Variants in PDE10A observed in about 807,000 individuals in gnomAD.
PDE10A encodes the protein cAMP and cAMP-inhibited cGMP 3',5'-cyclic phosphodiesterase 10A.
In PDE10A, 39 loss-of-function variants were observed where a neutral mutation model predicts 97.7. That is an observed-to-expected ratio of 0.40 (90% CI 0.31 to 0.52). The LOEUF is 0.52. Among genes scored for constraint, PDE10A ranks in the 20% least tolerant of loss-of-function variants. PDE10A has a pLI of 0.56. For missense variants in PDE10A, 731 were observed against 1,047.8 expected (o/e 0.70, Z 4.17); for synonymous variants, 371 against 376.8 (o/e 0.98, Z 0.18).
At chr6:165,645,608 C>A (rs981657343) in intron 1 of PDE10A, among the ~76,000 whole-genome samples, 1 of 152,092 alleles carries the variant, frequency 6.6e-6, no homozygotes, top group Non-Finnish European at 1.5e-5. Context: ...AATCCCAGCA[C>A]TTTGGGAGGC....
At chr6:165,421,194 C>G (rs1471588717) in intron 10 of PDE10A, among the ~76,000 whole-genome samples, 5 of 152,164 alleles carry the variant, frequency 3.3e-5, no homozygotes, top group Non-Finnish European at 7.3e-5. Flanking sequence ...GTAATCCCAG[C>G]ACTTTGGGAG....
chr6:165,500,654 C>T (rs1351302661), intron 2 of PDE10A, among the ~76,000 whole-genome samples: 1 of 152,068 alleles, frequency 6.6e-6, no homozygotes, highest in Non-Finnish European at 1.5e-5. Context: ...ACTGACCATC[C>T]CCCAGCCAAC....
intron 2 of PDE10A, among the ~76,000 whole-genome samples, chr6:165,503,421 T>C (rs1179225755): frequency 6.6e-6 from 1 of 152,176 alleles, no homozygotes; most frequent in Non-Finnish European, 1.5e-5. Flanking sequence ...GGAGTTATTC[T>C]GGCAATAGGG....
At chr6:165,833,335 T>C (rs1053119099) in intron 1 of PDE10A, among the ~76,000 whole-genome samples, 1 of 152,218 alleles carries the variant, frequency 6.6e-6, no homozygotes, top group Non-Finnish European at 1.5e-5. Context: ...GTGAACACAT[T>C]TATCTTCATT....
intron 1 of PDE10A, among the ~76,000 whole-genome samples, chr6:165,893,996 A>G (rs1016508034): frequency 6.6e-6 from 1 of 152,148 alleles, no homozygotes; most frequent in Non-Finnish European, 1.5e-5. Context: ...GTGCAGACCA[A>G]GTGATGTGTT....
At chr6:165,906,174 G>C (rs1782281315) in intron 1 of PDE10A, among the ~76,000 whole-genome samples, 1 of 146,532 alleles carries the variant, frequency 6.8e-6, no homozygotes, top group Non-Finnish European at 1.5e-5. Flanking sequence ...TCTTGGAATA[G>C]TAGACTCCTG....
At chr6:165,712,725 T>C (rs1047379516) in intron 1 of PDE10A, among the ~76,000 whole-genome samples, 13 of 144,532 alleles carry the variant, frequency 9.0e-5, no homozygotes, top group African/African-American at 3.1e-4. Flanking sequence ...CTGCAAGCTC[T>C]GCCTCCCGGG....
At chr6:165,908,532 C>T (rs561890405) in intron 1 of PDE10A, among the ~76,000 whole-genome samples, 77 of 152,292 alleles carry the variant, frequency 5.1e-4, no homozygotes, top group African/African-American at 1.6e-3. Flanking sequence ...CAATCCAGCA[C>T]GGGGGCCAGG....
intron 1 of PDE10A, among the ~76,000 whole-genome samples, chr6:165,725,353 A>G (rs4709975): frequency 0.69 from 105,102 of 152,122 alleles, 37,736 homozygotes; most frequent in African/African-American, 0.89. Context: ...CACACCCACT[A>G]GGGCTTTGGA....
At chr6:165,348,324 A>G (rs1226979438) in intron 18 of PDE10A, among the ~76,000 whole-genome samples, 1 of 152,242 alleles carries the variant, frequency 6.6e-6, no homozygotes, top group East Asian at 1.9e-4. Flanking sequence ...AATACTTAAA[A>G]GGATACTTTT....
intron 2 of PDE10A, among the ~76,000 whole-genome samples, chr6:165,488,505 G>A (rs992324230): frequency 1.1e-4 from 16 of 152,152 alleles, no homozygotes; most frequent in African/African-American, 2.9e-4. Flanking sequence ...GCTCCCACTC[G>A]GTGGACAGAG....
intron 1 of PDE10A, among the ~76,000 whole-genome samples, chr6:165,721,890 T>A (rs1021226823): frequency 5.9e-5 from 9 of 152,218 alleles, no homozygotes; most frequent in African/African-American, 2.2e-4. Context: ...CTAAAGCTCC[T>A]AAATCTTTCC....
intron 1 of PDE10A, among the ~76,000 whole-genome samples, chr6:165,871,046 T>C (rs1361700440): frequency 1.3e-5 from 2 of 152,216 alleles, no homozygotes; most frequent in African/African-American, 4.8e-5. Context: ...AGAGTGACGA[T>C]AGTTAATAAT....
rs71026686 is a variant in PDE10A at position 165,397,702 on chromosome 6, CAAAAAAAA to C, written c.2077-1251_2077-1244del. 1.8e-3 allele frequency among the ~76,000 whole-genome samples: 161 copies of C among 88,388 alleles called. 1 individual carries two copies. The highest frequency in any genetic ancestry group is 7.1e-3 in the African/African-American group (156 of 21,908). 58.0% of individuals were successfully genotyped at this position (88,388 alleles called of 152,430 possible). Reference sequence around the variant, plus strand: ...GGGCGACAACGGTGAAACTCCATCTCAAAAAAAAAAAAAAAAAAAAAGAATGAAGCTAA... The same window carrying C: ...GGGCGACAACGGTGAAACTCCATCTCAAAAAAAAAAAAAGAATGAAGCTAA... On this transcript the variant is annotated intron_variant, in intron 13 of 21. Transcript: ENST00000539869.
At chr6:165,646,991 G>T (rs537230311) in intron 1 of PDE10A, among the ~76,000 whole-genome samples, 1 of 152,240 alleles carries the variant, frequency 6.6e-6, no homozygotes, top group East Asian at 1.9e-4. Context: ...CAGACGTAGA[G>T]GCTGTGTAAA....
chr6:165,543,742 G>C (rs1363524039), intron 1 of PDE10A, among the ~76,000 whole-genome samples, 174 bp from the exon 2 acceptor site: 8 of 152,102 alleles, frequency 5.3e-5, no homozygotes, highest in African/African-American at 1.9e-4. Context: ...GTTTCTACTG[G>C]GAGTGACAGC....
chr6:165,674,520 G>C (rs899909218), intron 1 of PDE10A, among the ~76,000 whole-genome samples: 6 of 152,170 alleles, frequency 3.9e-5, no homozygotes, highest in African/African-American at 1.2e-4. Flanking sequence ...TGAGACCACT[G>C]CCTGGCTTAG....
chr6:165,897,235 C>T (rs1781977971), intron 1 of PDE10A, among the ~76,000 whole-genome samples: 1 of 152,162 alleles, frequency 6.6e-6, no homozygotes, highest in African/African-American at 2.4e-5. Context: ...GGCTAGGGTC[C>T]TGGCAGTGGA....
In PDE10A at chr6:165,418,808, C is replaced by T; in HGVS notation, c.1654-31G>A. 6.3e-7 allele frequency: 1 copy of T among 1,589,692 alleles called. No individual in the cohort carries two copies. The highest frequency in any genetic ancestry group is 1.3e-5 in the African/African-American group (1 of 74,202). On this transcript the variant is annotated intron_variant, in intron 10 of 21. Transcript: ENST00000539869. The surrounding 1 kb of genome is among the most constrained non-coding windows in gnomAD (Gnocchi z 4.8). ...GACAAATGACAAAATAAGAGGAAGA[C>T]AATGAGACATTCAAAGAACTTGCAG... is the stretch of plus-strand genomic sequence containing the variant.
Sources: gnomAD v4.1 joint callset for allele counts (sites outside exome capture counted in the v4.1 genomes callset) on GRCh38, gnomAD v4.1.1 for gene constraint, Gnocchi (gnomAD v3.1) non-coding constraint, MANE v1.5 for transcripts, NCBI Gene and HGNC (gene_info 2026-07-23, HGNC 2026-07-21) for gene names.